PCNX1: variants seen among roughly 807,000 people sequenced by gnomAD.
PCNX1 encodes pecanex 1.
A neutral mutation model predicts 242.2 loss-of-function variants in PCNX1; 78 were observed. The observed-to-expected ratio is 0.32, with a 90% confidence interval of 0.27 to 0.39. The LOEUF is 0.39. Among genes scored for constraint, PCNX1 ranks in the 10% least tolerant of loss-of-function variants. PCNX1 has a pLI of 1.00. For missense variants in PCNX1, 2,581 were observed against 2,856.5 expected, an observed-to-expected ratio of 0.90 and a Z score of 2.20; for synonymous variants, 1,024 against 1,032.9, an observed-to-expected ratio of 0.99 and a Z score of 0.17.
chr14:71,093,020 C>T (rs551484621), intron 30 of PCNX1: 27 of 152,286 alleles, frequency 1.8e-4, no homozygotes, highest in African/African-American at 6.0e-4. Flanking sequence ...GTCTGCTTGC[C>T]TCCAGATAAC....
intron 30 of PCNX1, among the ~76,000 whole-genome samples, chr14:71,091,411 A>G (rs1037986641): frequency 1.3e-5 from 2 of 152,206 alleles, no homozygotes; most frequent in African/African-American, 4.8e-5. Context: ...CTAGATGTTT[A>G]TACAACAGAA....
intron 28 of PCNX1, among the ~76,000 whole-genome samples, chr14:71,080,878 T>A (rs2061837197): frequency 6.6e-6 from 1 of 152,242 alleles, no homozygotes; most frequent in African/African-American, 2.4e-5. Context: ...CTTGGCTGAT[T>A]GCCCTGTCTA....
At chr14:70,979,925 T>TA (rs1203046540) in intron 6 of PCNX1, among the ~76,000 whole-genome samples, 2 of 151,864 alleles carry the variant, frequency 1.3e-5, no homozygotes, top group Non-Finnish European at 2.9e-5. Flanking sequence ...GTAGAGTAAT[T>TA]AAATTCCCTC....
chr14:70,998,473 GGGCTCGGT>G (rs1295385985), intron 8 of PCNX1, among the ~76,000 whole-genome samples: 1 of 151,922 alleles, frequency 6.6e-6, no homozygotes, highest in Non-Finnish European at 1.5e-5. Flanking sequence ...AACTTAGGCT[GGGCTCGGT>G]GGCTCATGCC....
chr14:70,976,453 T>A (rs1360545982), intron 5 of PCNX1, among the ~76,000 whole-genome samples: 5 of 150,572 alleles, frequency 3.3e-5, no homozygotes, highest in Admixed American at 2.0e-4. Flanking sequence ...GCTCACTGCA[T>A]GCTCCGCCTC....
At chr14:71,090,275 T>C (rs940895113) in intron 30 of PCNX1, among the ~76,000 whole-genome samples, 2 of 152,194 alleles carry the variant, frequency 1.3e-5, no homozygotes, top group African/African-American at 4.8e-5. Flanking sequence ...ATTGTGAAAT[T>C]AAGTACTGGC....
intron 32 of PCNX1, among the ~76,000 whole-genome samples, chr14:71,104,255 T>C (rs2062546917): frequency 6.6e-6 from 1 of 152,182 alleles, no homozygotes. Flanking sequence ...TGAAGAAATA[T>C]TGCAGAACAT....
At chr14:70,939,886 G>A (rs1312229546) in intron 1 of PCNX1, among the ~76,000 whole-genome samples, 1 of 152,094 alleles carries the variant, frequency 6.6e-6, no homozygotes, top group Non-Finnish European at 1.5e-5. Flanking sequence ...TTATGCAATG[G>A]CCTTCTTTGT....
In PCNX1 at chr14:71,003,080, C is replaced by CTTTTTTTTTTT. The variant is rs3083307; in HGVS notation, c.2630-6544_2630-6534dup. ...TAAAAATCGGGTTGTTGGTTGTCTT[C>CTTTTTTTTTTT]TTTTTTTTTTTTTTTTTTTTGAGAC... is the stretch of plus-strand genomic sequence containing the variant. On this transcript the variant is annotated intron_variant, in intron 8 of 35. Coordinates refer to ENST00000304743, the MANE Select transcript of PCNX1 (RefSeq NM_014982.3). Among the ~76,000 whole-genome samples the CTTTTTTTTTTT allele has an allele frequency of 4.1e-3, 391 of 95,444 alleles. 37 individuals carry two copies. Among genetic ancestry groups the CTTTTTTTTTTT allele is most frequent in the East Asian group, 0.025 (76 of 2,982 alleles). 62.6% of individuals were successfully genotyped at this position (95,444 alleles called of 152,430 possible).
rs1279290914 is a variant in PCNX1 at position 71,112,412 on chromosome 14, T to G, written c.*2477T>G. On this transcript the variant is annotated 3_prime_UTR_variant, in exon 36 of 36. Coordinates refer to ENST00000304743, the MANE Select transcript of PCNX1 (RefSeq NM_014982.3). ...TATAATTCTTTAGTGAATTTATAAA[T>G]TAGGAACCCTGAGAAGAAGCCCTGT... 3 of 152,116 alleles carry G rather than the reference T, an allele frequency of 2.0e-5. No homozygotes were observed. Among genetic ancestry groups the G allele is most frequent in the Non-Finnish European group, 4.4e-5 (3 of 67,936 alleles). 9.4% of individuals were successfully genotyped at this position (152,116 alleles called of 1,614,324 possible). A position where few individuals can be genotyped will look rare whatever the true frequency, so the allele number is the denominator to read the frequency against.
intron 19 of PCNX1, among the ~76,000 whole-genome samples, chr14:71,043,365 C>T (rs1215856140): frequency 1.3e-5 from 2 of 152,112 alleles, no homozygotes; most frequent in African/African-American, 2.4e-5. Context: ...GGGAAATTTT[C>T]AGCTATTATT....
At chr14:70,996,473 C>T (rs1264157656) in intron 8 of PCNX1, among the ~76,000 whole-genome samples, 1 of 152,058 alleles carries the variant, frequency 6.6e-6, no homozygotes, top group Non-Finnish European at 1.5e-5. Context: ...AAGTTTATTT[C>T]TTGTTCTTGT....
chr14:70,935,860 TA>T (rs1180519376), intron 1 of PCNX1, among the ~76,000 whole-genome samples: 1 of 152,228 alleles, frequency 6.6e-6, no homozygotes, highest in Non-Finnish European at 1.5e-5. Context: ...GCTAAGTCAT[TA>T]AAATTCCTGT....
chr14:71,011,768 T>C, intron 10 of PCNX1: 1 of 491,726 alleles, frequency 2.0e-6, no homozygotes, highest in African/African-American at 2.0e-5. Flanking sequence ...TGGCATAGAG[T>C]ATTTTAAAAA....
intron 1 of PCNX1, among the ~76,000 whole-genome samples, chr14:70,924,231 CAA>C (rs60333920): frequency 6.1e-4 from 60 of 97,948 alleles, no homozygotes; most frequent in Admixed American, 9.9e-4. Flanking sequence ...GAGACTGTCT[CAA>C]AAAAAAAAAA....
chr14:70,907,848 G>C lies in PCNX1; in HGVS notation c.-3G>C. ...GCGGCGACGGCGGCGGCGCCGGGTGGGGATGGGGTCGCAGACGCTGCAGAT... is the reference window on the plus strand; with the variant it reads ...GCGGCGACGGCGGCGGCGCCGGGTGCGGATGGGGTCGCAGACGCTGCAGAT... On this transcript the variant is annotated 5_prime_UTR_variant, in exon 1 of 36. Transcript: ENST00000304743. 7.5e-7 allele frequency: 1 copy of C among 1,325,840 alleles called. No individual in the cohort carries two copies. Among genetic ancestry groups the C allele is most frequent in the Non-Finnish European group, 9.7e-7 (1 of 1,034,142 alleles). 82.1% of individuals were successfully genotyped at this position (1,325,840 alleles called of 1,614,324 possible).
chr14:70,927,049 T>A (rs1322600827), intron 1 of PCNX1, among the ~76,000 whole-genome samples: 1 of 152,220 alleles, frequency 6.6e-6, no homozygotes, highest in Non-Finnish European at 1.5e-5. Flanking sequence ...TTTTCTCCTT[T>A]AAAATTAAGA....
At chr14:71,003,197 C>T (rs1436396333) in intron 8 of PCNX1, among the ~76,000 whole-genome samples, 9 of 149,756 alleles carry the variant, frequency 6.0e-5, no homozygotes, top group African/African-American at 9.8e-5. Context: ...GATTCTCCTA[C>T]CTCAGCCCCG....
intron 2 of PCNX1, among the ~76,000 whole-genome samples, chr14:70,956,824 T>G (rs894324573): frequency 2.0e-5 from 3 of 152,044 alleles, no homozygotes; most frequent in Non-Finnish European, 4.4e-5. Context: ...GTTAGGCAAG[T>G]TTTTTTGCCT....
Sources: allele counts gnomAD v4.1 joint callset (sites outside exome capture counted in the v4.1 genomes callset), GRCh38; gene constraint gnomAD v4.1.1; transcripts MANE v1.5; gene names NCBI Gene and HGNC (gene_info 2026-07-23, HGNC 2026-07-21).